The following LIMCH1 variants were observed in gnomAD, a reference collection of about 807,000 sequenced individuals.
LIMCH1 encodes LIM and calponin homology domains 1.
LIMCH1 carries 113 observed loss-of-function variants against 176.5 expected under a neutral mutation model. The ratio of observed to expected loss-of-function variants is 0.64; its 90% confidence interval spans 0.55 to 0.75. The LOEUF is 0.75. Among genes scored for constraint, LIMCH1 ranks in the 30% least tolerant of loss-of-function variants. LIMCH1 has a pLI of 0.00. For missense variants in LIMCH1, 1,674 were observed against 1,814.9 expected (o/e 0.92, Z 1.41); for synonymous variants, 619 against 645.9 (o/e 0.96, Z 0.63).
chr4:41,400,421 T>G (rs904363282), intron 1 of LIMCH1, among the ~76,000 whole-genome samples: 5 of 152,214 alleles, frequency 3.3e-5, no homozygotes, highest in African/African-American at 1.2e-4. Flanking sequence ...GGGGAAGGTA[T>G]CTATTTTAAA....
chr4:41,563,465 G>A (rs1584158813), intron 1 of LIMCH1, among the ~76,000 whole-genome samples: 1 of 152,124 alleles, frequency 6.6e-6, no homozygotes, highest in Non-Finnish European at 1.5e-5. Context: ...AATTAAGTAA[G>A]CAGCCCAGAT....
intron 4 of LIMCH1, chr4:41,613,141 T>C: frequency 6.7e-7 from 1 of 1,483,708 alleles, no homozygotes; most frequent in Non-Finnish European, 9.2e-7. Flanking sequence ...ACTATCATTG[T>C]ACTGTTGTGA....
rs1409186315 is a variant in LIMCH1, at chr4:41,697,146, T to G, written c.4379-14T>G. On this transcript the variant is annotated splice_polypyrimidine_tract_variant and intron_variant, in intron 31 of 31. Transcript: ENST00000503057. Reference sequence around the variant, plus strand: ...CCTACCACTCTTGTTTGTTGTTGTTTGTTTTAATCACAGGTGCCGGGCAGC... The same window carrying G: ...CCTACCACTCTTGTTTGTTGTTGTTGGTTTTAATCACAGGTGCCGGGCAGC... 1.2e-6 allele frequency: 2 copies of G among 1,613,256 alleles called. No homozygotes were observed. The highest frequency in any genetic ancestry group is 2.2e-5 in the East Asian group (1 of 44,886).
At chr4:41,535,626 G>A (rs1385911800), upstream of LIMCH1, among the ~76,000 whole-genome samples, 1 of 152,150 alleles carries the variant, frequency 6.6e-6, no homozygotes, top group African/African-American at 2.4e-5. Flanking sequence ...AGTTAGAACG[G>A]GTTAGGAGTT....
intron 14 of LIMCH1, among the ~76,000 whole-genome samples, chr4:41,640,198 G>A (rs2093762067): frequency 1.3e-5 from 2 of 152,176 alleles, no homozygotes; most frequent in South Asian, 4.1e-4. Context: ...GTAAAATTGA[G>A]CCCTGGTTAT....
At chr4:41,501,119 TA>T (rs1283775038) in intron 2 of LIMCH1, among the ~76,000 whole-genome samples, 1 of 152,184 alleles carries the variant, frequency 6.6e-6, no homozygotes, top group African/African-American at 2.4e-5. Flanking sequence ...GAAAGACCAT[TA>T]ATGGCCACTG....
intron 2 of LIMCH1, chr4:41,599,246 C>A: frequency 2.7e-6 from 1 of 373,228 alleles, no homozygotes. Context: ...AAAATTCTTG[C>A]ATATAGAGTT....
At chr4:41,518,015 T>A (rs2075756811) in intron 2 of LIMCH1, among the ~76,000 whole-genome samples, 1 of 152,232 alleles carries the variant, frequency 6.6e-6, no homozygotes, top group East Asian at 1.9e-4. Context: ...AAGAATAAAG[T>A]GATTTCCTAT....
chr4:41,418,807 G>A (rs969183176), intron 1 of LIMCH1: 1 of 152,050 alleles, frequency 6.6e-6, no homozygotes, highest in Non-Finnish European at 1.5e-5. Context: ...GAGAGATAGA[G>A]AGAGAGAGAG....
chr4:41,494,624 T>G (rs761347737), intron 2 of LIMCH1: 16 of 1,536,768 alleles, frequency 1.0e-5, no homozygotes, highest in Non-Finnish European at 1.4e-5. Context: ...TAGCCTATAT[T>G]CAGTTGGTTT....
intron 1 of LIMCH1, among the ~76,000 whole-genome samples, chr4:41,433,298 T>TG (rs1432074131): frequency 1.3e-5 from 2 of 152,306 alleles, no homozygotes; most frequent in East Asian, 1.9e-4. Flanking sequence ...ATTCCAGTTT[T>TG]GGGGGGGAAA....
intron 1 of LIMCH1, among the ~76,000 whole-genome samples, chr4:41,540,187 A>T (rs2078436845): frequency 6.6e-6 from 1 of 152,216 alleles, no homozygotes; most frequent in Non-Finnish European, 1.5e-5. Flanking sequence ...TGTGGTTTTC[A>T]TGAAGAGTAA....
At chr4:41,512,100 T>G (rs1450883746) in intron 2 of LIMCH1, among the ~76,000 whole-genome samples, 1 of 152,112 alleles carries the variant, frequency 6.6e-6, no homozygotes, top group Non-Finnish European at 1.5e-5. Flanking sequence ...AATATCGGAA[T>G]AGACACTTCT....
intron 2 of LIMCH1, among the ~76,000 whole-genome samples, chr4:41,505,563 C>G (rs2074043461): frequency 6.6e-6 from 1 of 152,114 alleles, no homozygotes; most frequent in Admixed American, 6.6e-5. Flanking sequence ...ATGTCATTTT[C>G]TCCCATCCAT....
At chr4:41,513,226 G>C (rs899352154) in intron 2 of LIMCH1, among the ~76,000 whole-genome samples, 1 of 152,202 alleles carries the variant, frequency 6.6e-6, no homozygotes, top group Admixed American at 6.5e-5. Context: ...ATGAGAAGAT[G>C]TTATTACTTA....
At chr4:41,502,717 A>T (rs1481140403) in intron 2 of LIMCH1, among the ~76,000 whole-genome samples, 1 of 151,078 alleles carries the variant, frequency 6.6e-6, no homozygotes, top group East Asian at 1.9e-4. Flanking sequence ...CTCATTTCCT[A>T]CTTGTAGAGA....
At chr4:41,608,228 A>G (rs535131037) in intron 4 of LIMCH1, among the ~76,000 whole-genome samples, 1 of 152,304 alleles carries the variant, frequency 6.6e-6, no homozygotes, top group East Asian at 1.9e-4. Flanking sequence ...TTCAGCCAAG[A>G]AAAGGGAGGA....
chr4:41,547,535 C>T lies in LIMCH1; in HGVS notation c.-241+9185C>T, dbSNP rs2079639377. On this transcript the variant is annotated intron_variant, in intron 1 of 31. Transcript: ENST00000503057. ...TAATAATTTAAGTTTCGCATTTTTT[C>T]ATCTGTAAAATGATGATTAACTATA... Among the ~76,000 whole-genome samples, 3 of 150,382 alleles carry T rather than the reference C, an allele frequency of 2.0e-5. No individual in the cohort carries two copies. In the Admixed American group the frequency reaches 2.0e-4, roughly 10 times the overall value.
chr4:41,586,734 C>T (rs2086551187), intron 1 of LIMCH1, among the ~76,000 whole-genome samples: 2 of 151,986 alleles, frequency 1.3e-5, no homozygotes, highest in Non-Finnish European at 2.9e-5. Context: ...GGGATAGATT[C>T]CTTGGAATCC....
Sources: allele counts gnomAD v4.1 joint callset (sites outside exome capture counted in the v4.1 genomes callset), GRCh38; gene constraint gnomAD v4.1.1; transcripts MANE v1.5; gene names NCBI Gene and HGNC (gene_info 2026-07-23, HGNC 2026-07-21).